Variants in COBL observed in about 807,000 individuals in gnomAD.
The protein encoded by COBL is protein cordon-bleu.
A neutral mutation model predicts 98.8 loss-of-function variants in COBL; 51 were observed. The observed-to-expected ratio is 0.52, with a 90% CI of 0.41 to 0.65. The LOEUF (loss-of-function observed/expected upper bound fraction) is 0.65, where lower values mean the gene tolerates loss of function less well. Ranked by LOEUF, COBL falls within the 30% of genes least tolerant of loss-of-function variation. The pLI is 0.00. For synonymous variants in COBL, 634 were observed against 651.7 expected, an observed-to-expected ratio of 0.97 and a Z score of 0.41; for missense variants, 1,617 against 1,617.5, an observed-to-expected ratio of 1.00 and a Z score of 0.01.
At chr7:51,237,695 C>T (rs184862064) in intron 1 of COBL, among the ~76,000 whole-genome samples, 71 of 152,200 alleles carry the variant, frequency 4.7e-4, no homozygotes, top group Non-Finnish European at 8.8e-4. Context: ...TGCCTTGGGC[C>T]ATGTCATGGT....
chr7:51,082,262 C>T lies in COBL; in HGVS notation c.1096+2904G>A, dbSNP rs114341115. Among the ~76,000 whole-genome samples the T allele has an allele frequency of 6.5e-3, 995 of 152,288 alleles. 8 individuals are homozygous for T. Among genetic ancestry groups the T allele is most frequent in the African/African-American group, 0.022 (912 of 41,566 alleles). On this transcript the variant is annotated intron_variant, in intron 7 of 12. Coordinates refer to ENST00000265136, the MANE Select transcript of COBL (RefSeq NM_015198.5). ...CATGCACAGTGATATTGCGCTGCTC[C>T]GTGTACACAGCCCAGGATGGCACTT...
chr7:51,082,965 C>A, intron 7 of COBL: 1 of 1,211,534 alleles, frequency 8.3e-7, no homozygotes, highest in Middle Eastern at 1.9e-4. Flanking sequence ...CATCCAAAGA[C>A]AAGAATGGAA....
chr7:51,297,859 T>C (rs1801567536), intron 1 of COBL, among the ~76,000 whole-genome samples: 1 of 152,212 alleles, frequency 6.6e-6, no homozygotes, highest in Admixed American at 6.5e-5. Context: ...TTAATGCGTC[T>C]TCACTAGGAG....
At position 51,134,604 on chromosome 7, in the gene COBL, G is replaced by A. The variant is rs528927632; in HGVS notation, c.957+1554C>T. On this transcript the variant is annotated intron_variant, in intron 6 of 12. Coordinates refer to ENST00000265136, the MANE Select transcript of COBL (RefSeq NM_015198.5). ...ATACAATTCTTATTAAAAGAAAAAA[G>A]CTGACATAATATTGATCCTGGAAGT... Among the ~76,000 whole-genome samples the A allele has an allele frequency of 4.6e-5, 7 of 152,172 alleles. No homozygotes were observed. The South Asian group carries it at 1.5e-3, about 32-fold the overall frequency.
chr7:51,179,504 C>G (rs1057450037), intron 5 of COBL, among the ~76,000 whole-genome samples: 2 of 152,070 alleles, frequency 1.3e-5, no homozygotes, highest in African/African-American at 4.8e-5. Flanking sequence ...CCGCGCCCAG[C>G]CAAGAGATGG....
chr7:51,235,770 G>T (rs538538156), intron 1 of COBL, among the ~76,000 whole-genome samples: 1 of 152,200 alleles, frequency 6.6e-6, no homozygotes, highest in African/African-American at 2.4e-5. Flanking sequence ...AACAAACATT[G>T]TAAGTCAGGC....
rs531405859 is a variant in COBL at position 51,310,982 on chromosome 7, A to T, written c.41+5611T>A. 2.0e-5 allele frequency among the ~76,000 whole-genome samples: 3 copies of T among 150,374 alleles called. No individual in the cohort carries two copies. In the East Asian group the frequency reaches 5.9e-4, roughly 29 times the overall value. The stretch of plus-strand genomic sequence containing the variant: ...GTTGTATTTTTTTTTTTTTTAAGGG[A>T]TAAGGACTTTATTGGTTTCTCTAAA... On this transcript the variant is annotated intron_variant, in intron 1 of 12. Coordinates refer to ENST00000265136, the MANE Select transcript of COBL (RefSeq NM_015198.5).
intron 7 of COBL, among the ~76,000 whole-genome samples, chr7:51,066,094 G>A (rs1315357912): frequency 6.6e-6 from 1 of 152,236 alleles, no homozygotes; most frequent in African/African-American, 2.4e-5. Flanking sequence ...GCACTGTGTT[G>A]CTGCGCACTG....
chr7:51,118,663 C>T (rs1797494006), intron 6 of COBL, among the ~76,000 whole-genome samples: 1 of 151,874 alleles, frequency 6.6e-6, no homozygotes. Flanking sequence ...GTGTGTTGGT[C>T]ACGAAGACCA....
At chr7:51,117,323 G>A (rs527271154) in intron 6 of COBL, among the ~76,000 whole-genome samples, 1 of 151,676 alleles carries the variant, frequency 6.6e-6, no homozygotes, top group Admixed American at 6.6e-5. Flanking sequence ...GGAGTCAATA[G>A]AGTCCCAGAA....
chr7:51,203,583 C>A (rs942623370), intron 2 of COBL, among the ~76,000 whole-genome samples: 1 of 148,172 alleles, frequency 6.7e-6, no homozygotes, highest in African/African-American at 2.5e-5. Context: ...GATCACTAGG[C>A]AGTATTACAA....
At chr7:51,159,694 T>A (rs1244624906) in intron 5 of COBL, among the ~76,000 whole-genome samples, 1 of 152,136 alleles carries the variant, frequency 6.6e-6, no homozygotes, top group Non-Finnish European at 1.5e-5. Flanking sequence ...AAAATCTACA[T>A]TTATTTTTTT....
chr7:51,142,503 C>T (rs1799862187), intron 5 of COBL, among the ~76,000 whole-genome samples: 1 of 151,432 alleles, frequency 6.6e-6, no homozygotes, highest in African/African-American at 2.4e-5. Context: ...CCTGCCTCAG[C>T]CTCCTGAGTA....
rs142711616 is a variant in COBL at position 51,216,928 on chromosome 7, C to T, written c.245+2813G>A. On this transcript the variant is annotated intron_variant, in intron 2 of 12. Transcript: ENST00000265136. ...GGGTCAGGAATTTAACTGCAGCCCA[C>T]TCTTATATTAATAAAGAGCATAACA... Among the ~76,000 whole-genome samples, 896 of 152,312 alleles carry T rather than the reference C, an allele frequency of 5.9e-3. 3 individuals are homozygous for T. The highest frequency in any genetic ancestry group is 0.01 in the Non-Finnish European group (702 of 68,016).
At chr7:51,040,140 C>G (rs1446569265) in intron 8 of COBL, among the ~76,000 whole-genome samples, 1 of 151,342 alleles carries the variant, frequency 6.6e-6, no homozygotes. Context: ...ATGTGATATA[C>G]CATGCTGAAA....
intron 7 of COBL, among the ~76,000 whole-genome samples, chr7:51,051,954 C>T (rs918080668): frequency 6.6e-6 from 1 of 152,210 alleles, no homozygotes; most frequent in Non-Finnish European, 1.5e-5. Flanking sequence ...AGGATTCCTT[C>T]TCTATGCCAC....
At chr7:51,247,889 T>C (rs984897070) in intron 1 of COBL, among the ~76,000 whole-genome samples, 1 of 152,164 alleles carries the variant, frequency 6.6e-6, no homozygotes, top group Non-Finnish European at 1.5e-5. Context: ...CTGTAATCCC[T>C]GCACTTTGGG....
At chr7:51,244,572 A>T (rs572757805) in intron 1 of COBL, among the ~76,000 whole-genome samples, 1 of 152,180 alleles carries the variant, frequency 6.6e-6, no homozygotes, top group African/African-American at 2.4e-5. Context: ...ATAGGGTCTC[A>T]TGGGGCCCAG....
intron 1 of COBL, among the ~76,000 whole-genome samples, chr7:51,315,515 T>TC (rs1803467341): frequency 6.6e-6 from 1 of 152,136 alleles, no homozygotes; most frequent in South Asian, 2.1e-4. Context: ...CTCCTTCAAG[T>TC]CCAGTTGCCA....
Sources: gnomAD v4.1 joint callset for allele counts (sites outside exome capture counted in the v4.1 genomes callset) on GRCh38, gnomAD v4.1.1 for gene constraint, MANE v1.5 for transcripts, NCBI Gene and HGNC (gene_info 2026-07-23, HGNC 2026-07-21) for gene names.